Variants in CATSPERD observed in about 807,000 individuals in gnomAD.
The protein encoded by CATSPERD is cation channel sperm-associated auxiliary subunit delta.
CATSPERD carries 86 observed loss-of-function variants against 98.1 expected under a neutral mutation model. The ratio of observed to expected loss-of-function variants is 0.88; its 90% CI spans 0.74 to 1.05. The LOEUF is 1.05. Among genes scored for constraint, CATSPERD ranks in the 50% least tolerant of loss-of-function variants. CATSPERD has a pLI of 0.00. For missense variants in CATSPERD, 995 were observed against 1,005.7 expected, an observed-to-expected ratio of 0.99 and a Z score of 0.14; for synonymous variants, 394 against 390.2, an observed-to-expected ratio of 1.01 and a Z score of -0.12.
chr19:5,730,588 TG>T (rs1176744497), intron 4 of CATSPERD, among the ~76,000 whole-genome samples: 2 of 100,280 alleles, frequency 2.0e-5, no homozygotes, highest in African/African-American at 6.9e-5. Flanking sequence ...AATAGATAGG[TG>T]GGATGGTATC....
At position 5,770,954 on chromosome 19, in the gene CATSPERD, G is replaced by C. The variant is rs191427801; in HGVS notation, c.1645G>C (p.Asp549His). ...YSFIIEKEFY[D>H]PGFQGQQSSE... ...CTTGGTGTCTTGAAGGGAATTCTAC[G>C]ACCCCGGCTTCCAGGGGCAGCAGTC... Residue 549 changes from aspartate (D) to histidine (H), a missense_variant, in exon 19 of 22, where the codon GAC becomes CAC. Asp to His is a moderately conservative substitution (Grantham distance 81). Transcript: ENST00000381624. 18 of 1,608,474 alleles carry C rather than the reference G, an allele frequency of 1.1e-5. No homozygotes were observed. Among genetic ancestry groups the C allele is most frequent in the East Asian group, 6.7e-5 (3 of 44,818 alleles).
Position 5,739,363 on chromosome 19 carries a change from A to T in CATSPERD, c.497A>T (p.Asp166Val), listed in dbSNP as rs2055912504. 9.5e-6 allele frequency: 15 copies of T among 1,584,744 alleles called. No homozygotes were observed. The highest frequency in any genetic ancestry group is 2.8e-5 in the African/African-American group (2 of 71,890). The change falls in exon 7 of 22, where the codon GAT becomes GTT. Residue 166 changes from aspartate (D) to valine (V), a missense_variant. Transcript: ENST00000381624. ...TTGGTTTTTGCATATTTCCGTGGAG[A>T]TCAGATATCCCAGACTTATATATAT... is the stretch of plus-strand genomic sequence containing the variant. ...SNLVFAYFRG[D>V]QISQTYIYYS...
chr19:5,761,259 G>A (rs983994124), intron 15 of CATSPERD, among the ~76,000 whole-genome samples: 3 of 152,006 alleles, frequency 2.0e-5, no homozygotes, highest in Non-Finnish European at 2.9e-5. Context: ...GTGCCACCAC[G>A]CCCAGCTAAT....
chr19:5,768,129 G>A (rs899794274), intron 17 of CATSPERD, 39 bp from the exon 18 acceptor site: 1 of 1,583,756 alleles, frequency 6.3e-7, no homozygotes, highest in Admixed American at 1.7e-5. Context: ...GGTTCTTTGT[G>A]AGGTCATGCC....
intron 17 of CATSPERD, among the ~76,000 whole-genome samples, chr19:5,767,083 C>T (rs761935198): frequency 1.1e-4 from 16 of 151,154 alleles, no homozygotes; most frequent in South Asian, 2.1e-4. Flanking sequence ...TTTGGGAGGC[C>T]GAGGCGGGTG....
intron 19 of CATSPERD, chr19:5,772,446 C>T (rs1345066249): frequency 3.7e-6 from 1 of 268,196 alleles, no homozygotes; most frequent in East Asian, 1.2e-4. Flanking sequence ...CCAAGATGGT[C>T]TCGATCTCCT....
Position 5,748,203 on chromosome 19 carries a change from C to T in CATSPERD, c.852C>T (p.Thr284=), listed in dbSNP as rs1278397152. The change falls in exon 10 of 22, where the codon ACC becomes ACT. Residue 284 remains threonine (T), a synonymous_variant. Transcript: ENST00000381624. The part of the protein sequence containing the change: ...DTVRVKKGDQ[T]LFSSIFEAKI... ...TCCGGGTGAAAAAAGGAGACCAGAC[C>T]TTGTTTTCTTCCATTTTTGAAGCCA... 1 of 1,614,002 alleles carries T rather than the reference C, an allele frequency of 6.2e-7. No homozygotes were observed. The highest frequency in any genetic ancestry group is 8.5e-7 in the Non-Finnish European group (1 of 1,180,016).
Position 5,745,987 on chromosome 19 carries a change from C to T in CATSPERD, c.732C>T (p.Asp244=). ...GLSFDYNGTL[D]ILIAPGQRGI... is the part of the protein sequence containing the mutation. ...CTTTTGACTATAATGGGACTCTAGA[C>T]ATCCTCATCGCCCCCGGCCAGAGAG... The change falls in exon 9 of 22, where the codon GAC becomes GAT. Residue 244 remains aspartate, a synonymous_variant. Transcript: ENST00000381624. 1 of 1,614,162 alleles carries T rather than the reference C, an allele frequency of 6.2e-7. No homozygotes were observed. Among genetic ancestry groups the T allele is most frequent in the Non-Finnish European group, 8.5e-7 (1 of 1,180,018 alleles).
chr19:5,725,835 G>C lies in CATSPERD; in HGVS notation c.126+973G>C, dbSNP rs570161100. Among the ~76,000 whole-genome samples the C allele has an allele frequency of 3.9e-5, 6 of 151,962 alleles. No homozygotes were observed. The South Asian group carries it at 1.0e-3, about 26-fold the overall frequency. ...GAACTGCTTGAACCCAGGAGGCAGA[G>C]GTTACAGTGAACCAAGATCGTGCCA... On this transcript the variant is annotated intron_variant, in intron 2 of 21. Transcript: ENST00000381624.
chr19:5,747,169 CTTTTTTTTT>C (rs748726369), intron 9 of CATSPERD, among the ~76,000 whole-genome samples: 1 of 105,774 alleles, frequency 9.5e-6, no homozygotes, highest in Non-Finnish European at 1.9e-5. Flanking sequence ...AATGGTTTCC[CTTTTTTTTT>C]TTTTTTTTTT....
At chr19:5,748,017 C>T in intron 9 of CATSPERD, 143 bp from the exon 10 acceptor site, 1 of 622,678 alleles carries the variant, frequency 1.6e-6, no homozygotes, top group East Asian at 2.7e-5. Context: ...AATAGCAAAC[C>T]TCTCAAAAGC....
intron 11 of CATSPERD, 62 bp from the exon 12 acceptor site, chr19:5,751,585 A>T: frequency 1.1e-6 from 1 of 928,562 alleles, no homozygotes. Flanking sequence ...TCATGAAATA[A>T]AATTTAAACC....
intron 13 of CATSPERD, among the ~76,000 whole-genome samples, chr19:5,755,346 C>G (rs2056304608): frequency 6.6e-6 from 1 of 152,042 alleles, no homozygotes; most frequent in African/African-American, 2.4e-5. Context: ...TATACTCAGA[C>G]TATTGAGTAT....
At chr19:5,752,407 G>A (rs1599557229) in intron 12 of CATSPERD, among the ~76,000 whole-genome samples, 2 of 152,122 alleles carry the variant, frequency 1.3e-5, no homozygotes, top group South Asian at 2.1e-4. Context: ...CCAGGAGTTC[G>A]AGGCTGCAGT....
chr19:5,737,737 C>T (rs567251396), intron 6 of CATSPERD, among the ~76,000 whole-genome samples: 2 of 151,338 alleles, frequency 1.3e-5, no homozygotes, highest in African/African-American at 4.9e-5. Flanking sequence ...GTAATCCCAG[C>T]TACTCAGGAG....
intron 18 of CATSPERD, 122 bp from the exon 19 acceptor site, chr19:5,770,822 G>A (rs1416768278): frequency 1.7e-6 from 2 of 1,173,178 alleles, no homozygotes; most frequent in Non-Finnish European, 2.4e-6. Flanking sequence ...CACCTCAGAT[G>A]CCACCTCCTG....
chr19:5,746,011 A>G lies in CATSPERD; in HGVS notation c.756A>G (p.Arg252=), dbSNP rs1568353848. Residue 252 remains arginine, a synonymous_variant, in exon 9 of 22, where the codon AGA becomes AGG. Transcript: ENST00000381624. The part of the protein sequence containing the change: ...TLDILIAPGQ[R]GILLLWFENS... ...ACATCCTCATCGCCCCCGGCCAGAG[A>G]GGCATCCTGCTCCTATGGTTTGAGA... The G allele has an allele frequency of 3.1e-6, 5 of 1,614,110 alleles. No individual in the cohort carries two copies. The highest frequency in any genetic ancestry group is 3.4e-6 in the Non-Finnish European group (4 of 1,180,028).
rs67541709 is a variant in CATSPERD at position 5,731,560 on chromosome 19, G to GTTTTTTTTTTTTTTTTTTTTT, written c.276+1622_276+1642dup. On this transcript the variant is annotated intron_variant, in intron 4 of 21. Coordinates refer to ENST00000381624, the MANE Select transcript of CATSPERD (RefSeq NM_152784.4). ...TTTCTCCTAAAAGCGACACTTAACA[G>GTTTTTTTTTTTTTTTTTTTTT]TTTTTTTTTTTTTTTTTTTTTTTTT... Among the ~76,000 whole-genome samples, 5 of 75,724 alleles carry GTTTTTTTTTTTTTTTTTTTTT rather than the reference G, an allele frequency of 6.6e-5. 2 individuals carry two copies. Among genetic ancestry groups the GTTTTTTTTTTTTTTTTTTTTT allele is most frequent in the Admixed American group, 2.3e-4 (1 of 4,402 alleles). 49.7% of individuals were successfully genotyped at this position (75,724 alleles called of 152,430 possible).
intron 15 of CATSPERD, among the ~76,000 whole-genome samples, chr19:5,762,054 A>G (rs1269687646): frequency 1.3e-4 from 2 of 14,882 alleles, no homozygotes; most frequent in Non-Finnish European, 3.2e-4. Flanking sequence ...ATATATATAT[A>G]TATATTTTTT....
Sources: allele counts gnomAD v4.1 joint callset (sites outside exome capture counted in the v4.1 genomes callset), GRCh38; gene constraint gnomAD v4.1.1; transcripts MANE v1.5; gene names NCBI Gene and HGNC (gene_info 2026-07-23, HGNC 2026-07-21).